The following LRRC42 variants were observed in gnomAD, a reference collection of about 807,000 sequenced individuals.
The protein encoded by LRRC42 is leucine rich repeat containing 42, also known as leucine-rich repeat-containing protein 42.
Under a neutral mutation model 44.3 loss-of-function variants are expected in LRRC42, and 43 were observed. That is an observed-to-expected ratio of 0.97 (90% confidence interval 0.76 to 1.25). LRRC42 has a LOEUF of 1.25. Among genes scored for constraint, LRRC42 ranks in the 50% most tolerant of loss-of-function variants. The probability of loss-of-function intolerance (pLI) is 0.00; values close to 1 mark genes in which losing one functional copy is unlikely to be tolerated. For synonymous variants in LRRC42, 207 were observed against 195.2 expected (o/e 1.06, Z -0.50); for missense variants, 540 against 509.1 (o/e 1.06, Z -0.58).
At chr1:53,963,382 G>A (rs554460695) in intron 7 of LRRC42, among the ~76,000 whole-genome samples, 1 of 152,194 alleles carries the variant, frequency 6.6e-6, no homozygotes, top group Admixed American at 6.5e-5. Context: ...ACAAAGGCTT[G>A]CTGCAGTTTG....
chr1:53,968,133 G>C lies in LRRC42; in HGVS notation c.*194G>C, dbSNP rs1655181520. ...TTCTAATGTATATTTTCAATACATA[G>C]TAATTTTTTCAAATAAACATTTTTG... On this transcript the variant is annotated 3_prime_UTR_variant, in exon 9 of 9. Coordinates refer to ENST00000371370, the MANE Select transcript of LRRC42 (RefSeq NM_001256409.2). 6 of 569,262 alleles carry C rather than the reference G, an allele frequency of 1.1e-5. No individual in the cohort carries two copies. Among genetic ancestry groups the C allele is most frequent in the Non-Finnish European group, 1.8e-5 (6 of 332,274 alleles). The allele number at this position is 569,262 out of a possible 1,614,324, so 35.3% of individuals were successfully genotyped here. A position where few individuals can be genotyped will look rare whatever the true frequency, so the allele number is the denominator to read the frequency against.
chr1:53,958,933 T>C (rs1654922434), intron 4 of LRRC42, among the ~76,000 whole-genome samples: 1 of 152,158 alleles, frequency 6.6e-6, no homozygotes, highest in South Asian at 2.1e-4. Flanking sequence ...TTGTCCAGGC[T>C]GGAGTGCAGT....
chr1:53,952,339 A>T lies in LRRC42; in HGVS notation c.340A>T (p.Ile114Phe). Residue 114 changes from isoleucine to phenylalanine, a missense_variant, in exon 3 of 9, where the codon ATT (isoleucine) becomes TTT (phenylalanine). Physicochemically the swap from Ile to Phe is conservative, Grantham distance 21. Coordinates refer to ENST00000371370, the MANE Select transcript of LRRC42 (RefSeq NM_001256409.2). ...TTCCCTTATTGGCTTTCCTGAGCAG[A>T]TTGCTGAAAAGCTGTTCTCTGCTGC... ...IDSLIGFPEQIAEKLFSAAEA... is the reference protein window; with the variant it reads ...IDSLIGFPEQFAEKLFSAAEA... 1 of 1,614,170 alleles carries T rather than the reference A, an allele frequency of 6.2e-7. No homozygotes were observed. The highest frequency in any genetic ancestry group is 1.1e-5 in the South Asian group (1 of 91,088).
At chr1:53,958,408 C>A in intron 4 of LRRC42, 128 bp downstream of exon 4, 1 of 1,199,318 alleles carries the variant, frequency 8.3e-7, no homozygotes. Context: ...TTTCCTAAAA[C>A]ATTTTCAATC....
Position 53,952,240 on chromosome 1 carries a change from A to T in LRRC42, c.241A>T (p.Asn81Tyr), listed in dbSNP as rs1468155231. ...HFIFTYTREG[N>Y]LRYSAKSLFS... ...CATCTTCACATACACCCGAGAGGGG[A>T]ATCTTCGGTACTCCGCCAAATCCCT... Residue 81 changes from asparagine (N) to tyrosine (Y), a missense_variant, in exon 3 of 9, where the codon AAT becomes TAT. Physicochemically the swap from Asn to Tyr is moderately radical, Grantham distance 143. Transcript: ENST00000371370. The T allele has an allele frequency of 6.2e-7, 1 of 1,614,200 alleles. No individual in the cohort carries two copies. The highest frequency in any genetic ancestry group is 1.7e-5 in the Admixed American group (1 of 60,016).
At chr1:53,958,414 C>A in intron 4 of LRRC42, 134 bp downstream of exon 4, 2 of 1,160,062 alleles carry the variant, frequency 1.7e-6, no homozygotes, top group Non-Finnish European at 2.4e-6. Flanking sequence ...AAAACATTTT[C>A]AATCTCCATT....
intron 3 of LRRC42, among the ~76,000 whole-genome samples, chr1:53,957,747 G>T (rs931913040): frequency 6.6e-6 from 1 of 152,290 alleles, no homozygotes; most frequent in South Asian, 2.1e-4. Flanking sequence ...ATCACTGGAT[G>T]TTGAGCATTA....
intron 3 of LRRC42, among the ~76,000 whole-genome samples, chr1:53,957,545 C>A (rs992352608): frequency 2.0e-5 from 3 of 152,200 alleles, no homozygotes; most frequent in Non-Finnish European, 4.4e-5. Context: ...CAGGGTTTGT[C>A]TTAATATCCA....
chr1:53,958,527 A>G (rs1654907763), intron 4 of LRRC42, among the ~76,000 whole-genome samples: 1 of 152,192 alleles, frequency 6.6e-6, no homozygotes, highest in African/African-American at 2.4e-5. Flanking sequence ...TTATTTTAAT[A>G]TGTAATACTT....
intron 4 of LRRC42, among the ~76,000 whole-genome samples, 176 bp downstream of exon 4, chr1:53,958,456 C>T (rs946437894): frequency 4.6e-5 from 7 of 152,174 alleles, no homozygotes; most frequent in African/African-American, 1.7e-4. Context: ...ATTAGACAAC[C>T]CTTAGAAAGT....
intron 4 of LRRC42, among the ~76,000 whole-genome samples, chr1:53,959,279 A>G (rs1443007082): frequency 1.3e-5 from 2 of 152,222 alleles, no homozygotes; most frequent in Non-Finnish European, 2.9e-5. Flanking sequence ...AAGACAGCCA[A>G]AGAAATTCTT....
intron 3 of LRRC42, among the ~76,000 whole-genome samples, chr1:53,957,634 G>A (rs1654875915): frequency 6.6e-6 from 1 of 152,230 alleles, no homozygotes; most frequent in African/African-American, 2.4e-5. Flanking sequence ...GCACAGGGGA[G>A]TGTTCAGGAA....
chr1:53,958,805 C>T (rs1654917451), intron 4 of LRRC42, among the ~76,000 whole-genome samples: 2 of 152,130 alleles, frequency 1.3e-5, no homozygotes, highest in South Asian at 2.1e-4. Flanking sequence ...AGGCTGGTCT[C>T]GAGGTCCTGA....
intron 1 of LRRC42, 53 bp from the exon 2 acceptor site, chr1:53,947,733 ACT>A (rs1491236133): frequency 1.3e-5 from 2 of 152,196 alleles, no homozygotes; most frequent in East Asian, 3.9e-4. Context: ...CCAGATGTGC[ACT>A]GTTTTTTTGT....
At chr1:53,962,465 T>A (rs1044327110) in intron 7 of LRRC42, 56 bp downstream of exon 7, 39 of 1,073,944 alleles carry the variant, frequency 3.6e-5, no homozygotes, top group Non-Finnish European at 1.0e-5. Context: ...TAATTCCAAG[T>A]GTCTTATCCA....
intron 1 of LRRC42, among the ~76,000 whole-genome samples, chr1:53,947,199 CTT>C (rs1654519300): frequency 6.6e-6 from 1 of 151,714 alleles, no homozygotes; most frequent in South Asian, 2.1e-4. Flanking sequence ...AGCAAGCCAC[CTT>C]TCACCAGGGG....
At chr1:53,950,541 A>T (rs997965915) in intron 2 of LRRC42, among the ~76,000 whole-genome samples, 13 of 152,230 alleles carry the variant, frequency 8.5e-5, no homozygotes, top group Non-Finnish European at 1.8e-4. Context: ...TCAGGGCCAC[A>T]TTGTGGCCCC....
chr1:53,960,213 C>T (rs1280875227), intron 4 of LRRC42, 143 bp from the exon 5 acceptor site: 2 of 606,656 alleles, frequency 3.3e-6, no homozygotes. Flanking sequence ...AAGAGCTTAA[C>T]TTTGTTAAAT....
At chr1:53,950,213 G>A (rs1654634381) in intron 2 of LRRC42, among the ~76,000 whole-genome samples, 1 of 152,208 alleles carries the variant, frequency 6.6e-6, no homozygotes, top group African/African-American at 2.4e-5. Flanking sequence ...GTAGGAATTA[G>A]CTAGGTCAGG....
Sources: allele counts gnomAD v4.1 joint callset (sites outside exome capture counted in the v4.1 genomes callset), GRCh38; gene constraint gnomAD v4.1.1; transcripts MANE v1.5; gene names NCBI Gene and HGNC (gene_info 2026-07-23, HGNC 2026-07-21).